The following VARS2 variants were observed in gnomAD, a reference collection of about 807,000 sequenced individuals.
VARS2 encodes the protein valyl-tRNA synthetase 2, mitochondrial, also known as valine--tRNA ligase, mitochondrial.
VARS2 carries 105 observed loss-of-function variants against 154.1 expected under a neutral mutation model. That is an observed-to-expected ratio of 0.68 (90% CI 0.58 to 0.80). VARS2 has a LOEUF of 0.80. VARS2 is among the 30% of genes least tolerant of loss of function. VARS2 has a pLI of 0.00. For synonymous variants in VARS2, 483 were observed against 539.5 expected (o/e 0.90, Z 1.45); for missense variants, 1,157 against 1,361.4 (o/e 0.85, Z 2.36).
Position 30,924,586 on chromosome 6 carries a change from G to C in VARS2, c.2673+26G>C, listed in dbSNP as rs1228766899. ...GTGAGTCCCAAGCACCTTGGAGTGG[G>C]TCTGTGGGTGAATGGGGGGGAGCAC... On this transcript the variant is annotated intron_variant, in intron 26 of 29. Transcript: ENST00000676266. 3.0e-6 allele frequency: 4 copies of C among 1,334,578 alleles called. No individual in the cohort carries two copies. In the African/African-American group the frequency reaches 5.8e-5, roughly 19 times the overall value. The allele number at this position is 1,334,578 out of a possible 1,614,324, so 82.7% of individuals were successfully genotyped here.
Position 30,920,420 on chromosome 6 carries a change from G to T in VARS2, c.1381G>T (p.Val461Leu). The T allele has an allele frequency of 6.2e-7, 1 of 1,608,308 alleles. No individual in the cohort carries two copies. The highest frequency in any genetic ancestry group is 1.3e-5 in the African/African-American group (1 of 74,698). Residue 461 changes from valine to leucine, a missense_variant, in exon 14 of 30, where the codon GTA becomes TTA. Coordinates refer to ENST00000676266, the MANE Select transcript of VARS2 (RefSeq NM_020442.6). This position sits in a 1 kb window ranked among gnomAD's most constrained non-coding sequence, Gnocchi z 4.6. ...CCGGGGCCTCCAGAACCACCCCATG[G>T]TACTGCCCATCTGCAGGTAACCTCA... ...LFRGLQNHPM[V>L]LPICSRSGDV...
In VARS2 at chr6:30,922,144, T is replaced by A. The variant is rs1398181427; in HGVS notation, c.1835T>A (p.Leu612Gln). 2 of 1,612,472 alleles carry A rather than the reference T, an allele frequency of 1.2e-6. No individual in the cohort carries two copies. Among genetic ancestry groups the A allele is most frequent in the South Asian group, 1.1e-5 (1 of 91,048 alleles). ...ETPDLARFYP[L>Q]SLLETGSDLL... is the part of the protein sequence containing the mutation. ...CCAGACCTTGCTCGTTTCTACCCCC[T>A]GTCACTTTTGGAAACGGGCAGCGAC... Residue 612 changes from leucine (L) to glutamine (Q), a missense_variant, in exon 20 of 30, where the codon CTG becomes CAG. Physicochemically the swap from Leu to Gln is moderately radical, Grantham distance 113 (BLOSUM62 -2). Coordinates refer to ENST00000676266, the MANE Select transcript of VARS2 (RefSeq NM_020442.6).
Position 30,919,967 on chromosome 6 carries a change from A to G in VARS2, c.1165+119A>G. ...TCATATAGGGTGGTCTGAGTGGGGA[A>G]TGGGAGGGAGGCACAGACAGAGAAA... On this transcript the variant is annotated intron_variant, in intron 12 of 29. Transcript: ENST00000676266. This position sits in a 1 kb window ranked among gnomAD's most constrained non-coding sequence, Gnocchi z 4.5. 6.8e-7 allele frequency: 1 copy of G among 1,471,882 alleles called. No individual in the cohort carries two copies. Among genetic ancestry groups the G allele is most frequent in the Non-Finnish European group, 9.1e-7 (1 of 1,101,672 alleles). The allele number at this position is 1,471,882 out of a possible 1,614,324, so 91.2% of individuals were successfully genotyped here.
At position 30,916,915 on chromosome 6, in the gene VARS2, G is replaced by A; in HGVS notation, c.709G>A (p.Gly237Ser). The change falls in exon 8 of 30, where the codon GGT (glycine) becomes AGT (serine). Residue 237 changes from glycine to serine, a missense_variant. Transcript: ENST00000676266. This position sits in a 1 kb window ranked among gnomAD's most constrained non-coding sequence, Gnocchi z 4.0. ...GATCTGTGAGCAGCTGCGAGCTCTG[G>A]GTGCCTCCCTGGACTGGGATCGAGA... ...GEICEQLRALGASLDWDRECF... is the reference protein window; with the variant it reads ...GEICEQLRALSASLDWDRECF... 2 of 1,614,180 alleles carry A rather than the reference G, an allele frequency of 1.2e-6. No individual in the cohort carries two copies. Among genetic ancestry groups the A allele is most frequent in the Non-Finnish European group, 1.7e-6 (2 of 1,180,038 alleles).
chr6:30,915,110 G>A (rs1374144738), intron 2 of VARS2, 46 bp from the exon 3 acceptor site: 1 of 1,612,220 alleles, frequency 6.2e-7, no homozygotes, highest in South Asian at 1.1e-5. Flanking sequence ...CTGAAATGCA[G>A]TCTGGGGTAT....
Position 30,914,790 on chromosome 6 carries a change from T to C in VARS2, c.-27-20T>C. On this transcript the variant is annotated intron_variant, in intron 1 of 29. Transcript: ENST00000676266. ...TCTCCACCCCCATATCCTAATGTGCTCTCTCTCTATCCAGAACAGATCTCG... is the reference window on the plus strand; with the variant it reads ...TCTCCACCCCCATATCCTAATGTGCCCTCTCTCTATCCAGAACAGATCTCG... 6.2e-7 allele frequency: 1 copy of C among 1,606,124 alleles called. No homozygotes were observed. Among genetic ancestry groups the C allele is most frequent in the Non-Finnish European group, 8.5e-7 (1 of 1,174,994 alleles).
rs201758263 is a variant in VARS2 at position 30,925,898 on chromosome 6, A to G, written c.2980A>G (p.Ile994Val). 4.6e-4 allele frequency: 738 copies of G among 1,612,832 alleles called. No homozygotes were observed. The highest frequency in any genetic ancestry group is 4.9e-4 in the Non-Finnish European group (577 of 1,180,040). ...MELQGLVDPQ[I>V]QLPLLAARRY... ...TCCCCAGGGCCTGGTGGACCCGCAG[A>G]TCCAGCTACCTCTGTTAGCCGCCCG... Residue 994 changes from isoleucine (I) to valine (V), a missense_variant, in exon 29 of 30, where the codon ATC (isoleucine) becomes GTC (valine). Physicochemically the swap from Ile to Val is conservative, Grantham distance 29. Coordinates refer to ENST00000676266, the MANE Select transcript of VARS2 (RefSeq NM_020442.6).
Position 30,914,841 on chromosome 6 carries a change from C to T in VARS2, c.5C>T (p.Pro2Leu), listed in dbSNP as rs1794043888. M[P>L]HLPLASFRPP... Reference sequence around the variant, plus strand: ...GCCCCTTTCCAAACACTCCTGATGCCTCATTTGCCTCTCGCCTCTTTTCGA... The same window carrying T: ...GCCCCTTTCCAAACACTCCTGATGCTTCATTTGCCTCTCGCCTCTTTTCGA... The change falls in exon 2 of 30, where the codon CCT becomes CTT. Residue 2 changes from proline to leucine, a missense_variant. Coordinates refer to ENST00000676266, the MANE Select transcript of VARS2 (RefSeq NM_020442.6). The T allele has an allele frequency of 6.2e-7, 1 of 1,612,924 alleles. No individual in the cohort carries two copies. The highest frequency in any genetic ancestry group is 8.5e-7 in the Non-Finnish European group (1 of 1,180,032).
chr6:30,914,774 C>T, intron 1 of VARS2, 36 bp from the exon 2 acceptor site: 1 of 1,584,924 alleles, frequency 6.3e-7, no homozygotes, highest in East Asian at 2.2e-5. Context: ...TTCTCCACCC[C>T]CATATCCTAA....
chr6:30,925,402 C>T lies in VARS2; in HGVS notation c.2785+17C>T, dbSNP rs528716177. 2.5e-6 allele frequency: 4 copies of T among 1,600,134 alleles called. No homozygotes were observed. The African/African-American group carries it at 5.3e-5, about 21-fold the overall frequency. On this transcript the variant is annotated intron_variant, in intron 27 of 29. Transcript: ENST00000676266. ...GGCCCCGAGGTGAGGCAAGGCGGGT[C>T]CTGGGCTCGGATCCCTGCAGGAAAA...
chr6:30,922,051 G>A (rs575159804), intron 19 of VARS2, 56 bp downstream of exon 19: 1 of 1,612,784 alleles, frequency 6.2e-7, no homozygotes, highest in African/African-American at 1.3e-5. Flanking sequence ...AGGGATGGCT[G>A]GGCCCCCACA....
chr6:30,916,572 A>C lies in VARS2; in HGVS notation c.672-306A>C, dbSNP rs1794192665. The C allele has an allele frequency of 7.0e-6, 3 of 431,226 alleles. No individual in the cohort carries two copies. Among genetic ancestry groups the C allele is most frequent in the Non-Finnish European group, 1.2e-5 (3 of 247,740 alleles). 26.7% of individuals were successfully genotyped at this position (431,226 alleles called of 1,614,324 possible). A position where few individuals can be genotyped will look rare whatever the true frequency, so the allele number is the denominator to read the frequency against. On this transcript the variant is annotated intron_variant, in intron 7 of 29. Coordinates refer to ENST00000676266, the MANE Select transcript of VARS2 (RefSeq NM_020442.6). The surrounding 1 kb of genome is among the most constrained non-coding windows in gnomAD (Gnocchi z 4.0). ...TTCCACTCGCCCATTCCCACCTTTC[A>C]ATTCCCATGGAATTACCCTCATTCT...
chr6:30,923,297 GA>G, intron 24 of VARS2, 55 bp from the exon 25 acceptor site: 1 of 1,606,962 alleles, frequency 6.2e-7, no homozygotes, highest in Middle Eastern at 1.7e-4. Context: ...GTGGCATCTG[GA>G]AGGAAAGGAG....
chr6:30,920,773 C>A lies in VARS2; in HGVS notation c.1479+24C>A. 1.3e-6 allele frequency: 2 copies of A among 1,545,090 alleles called. No individual in the cohort carries two copies. Among genetic ancestry groups the A allele is most frequent in the South Asian group, 1.2e-5 (1 of 82,324 alleles). On this transcript the variant is annotated intron_variant, in intron 15 of 29. Transcript: ENST00000676266. This position sits in a 1 kb window ranked among gnomAD's most constrained non-coding sequence, Gnocchi z 4.6. ...AGGTGAGGCTGCAGTGTAGGAAGGA[C>A]TGGGGCCAGGGGTTGGGGGAGCTCC...
Position 30,925,537 on chromosome 6 carries a change from T to C in VARS2, c.2786-7T>C. 1 of 1,569,890 alleles carries C rather than the reference T, an allele frequency of 6.4e-7. No individual in the cohort carries two copies. Among genetic ancestry groups the C allele is most frequent in the Non-Finnish European group, 8.6e-7 (1 of 1,162,160 alleles). On this transcript the variant is annotated splice_polypyrimidine_tract_variant and splice_region_variant and intron_variant, in intron 27 of 29. Transcript: ENST00000676266. Reference sequence around the variant, plus strand: ...GGCCTTGCCCCTGACAGTTTCTTTCTTTCCAGTGCTGCTGCAGAGCTCAGA... The same window carrying C: ...GGCCTTGCCCCTGACAGTTTCTTTCCTTCCAGTGCTGCTGCAGAGCTCAGA...
rs545953207 is a variant in VARS2, at chr6:30,924,192, T to C, written c.2467-162T>C. ...TGTCCTGGAGTCCCCTTCTTTGTGCTGAGTGTGTCCTGGGACTGTGGATCA... is the reference window on the plus strand; with the variant it reads ...TGTCCTGGAGTCCCCTTCTTTGTGCCGAGTGTGTCCTGGGACTGTGGATCA... On this transcript the variant is annotated intron_variant, in intron 25 of 29. Transcript: ENST00000676266. The C allele has an allele frequency of 1.0e-4, 66 of 654,318 alleles. 2 individuals carry two copies. The South Asian group carries it at 1.2e-3, about 12-fold the overall frequency. 40.5% of individuals were successfully genotyped at this position (654,318 alleles called of 1,614,324 possible).
In VARS2 at chr6:30,916,799, A is replaced by C. The variant is rs899631415; in HGVS notation, c.672-79A>C. 1.4e-6 allele frequency: 2 copies of C among 1,441,566 alleles called. No individual in the cohort carries two copies. The highest frequency in any genetic ancestry group is 2.0e-6 in the Non-Finnish European group (2 of 1,023,816). 89.3% of individuals were successfully genotyped at this position (1,441,566 alleles called of 1,614,324 possible). On this transcript the variant is annotated intron_variant, in intron 7 of 29. Coordinates refer to ENST00000676266, the MANE Select transcript of VARS2 (RefSeq NM_020442.6). This position sits in a 1 kb window ranked among gnomAD's most constrained non-coding sequence, Gnocchi z 4.0. ...ACTTGATTTTCCTCCAACACCTGGC[A>C]TTGCTGGGGGCATCGCTGGGCCTGG...
chr6:30,923,243 C>G lies in VARS2; in HGVS notation c.2313+12C>G, dbSNP rs1562460783. On this transcript the variant is annotated intron_variant, in intron 24 of 29. Coordinates refer to ENST00000676266, the MANE Select transcript of VARS2 (RefSeq NM_020442.6). ...AGCCTGCTGAGGAGGTAAGAGAAAA[C>G]AGAGGTGCTTGGGAGTAGGGTAGTC... 2 of 1,613,054 alleles carry G rather than the reference C, an allele frequency of 1.2e-6. No homozygotes were observed. The highest frequency in any genetic ancestry group is 1.7e-6 in the Non-Finnish European group (2 of 1,180,006).
rs777785964 is a variant in VARS2 at position 30,915,171 on chromosome 6, A to G, written c.217A>G (p.Ile73Val). The G allele has an allele frequency of 2.5e-6, 4 of 1,614,112 alleles. No homozygotes were observed. In the African/African-American group the frequency reaches 4.0e-5, roughly 16 times the overall value. Residue 73 changes from isoleucine to valine, a missense_variant, in exon 3 of 30, where the codon ATT becomes GTT. Coordinates refer to ENST00000676266, the MANE Select transcript of VARS2 (RefSeq NM_020442.6). ...AGESKSPAES[I>V]KAWRPKELVL... ...CTCTTCTCAGTCACCTGCAGAATCC[A>G]TTAAGGCCTGGAGGCCTAAGGAGTT...
Sources: allele counts gnomAD v4.1 joint callset, GRCh38; gene constraint gnomAD v4.1.1; non-coding constraint Gnocchi (gnomAD v3.1); transcripts MANE v1.5; gene names NCBI Gene and HGNC (gene_info 2026-07-23, HGNC 2026-07-21).